The following KLF8 variants were observed in gnomAD, a reference collection of about 807,000 sequenced individuals.
KLF8 encodes the protein Krueppel-like factor 8.
Under a neutral mutation model 18.2 loss-of-function variants are expected in KLF8, and 10 were observed. The ratio of observed to expected loss-of-function variants is 0.55; its 90% CI spans 0.34 to 0.93. The LOEUF (loss-of-function observed/expected upper bound fraction) is 0.93, where lower values mean the gene tolerates loss of function less well. Ranked by LOEUF, KLF8 falls within the 40% of genes least tolerant of loss-of-function variation. The pLI, the probability that KLF8 is intolerant of heterozygous loss-of-function variation, is 0.02. For synonymous variants in KLF8, 109 were observed against 97.3 expected (o/e 1.12, Z -0.71); for missense variants, 264 against 277.9 (o/e 0.95, Z 0.36).
At chrX:56,216,513 GATTTATTT>G in the KLF8 span, among the ~76,000 whole-genome samples, 125 of 91,087 alleles carry the variant, frequency 1.4e-3, no homozygotes, top group Middle Eastern at 5.4e-3. Context: ...TCTGGCTGCT[GATTTATTT>G]ATTTATTTAT....
the KLF8 span, among the ~76,000 whole-genome samples, chrX:56,051,586 G>T: frequency 4.5e-5 from 5 of 111,050 alleles, no homozygotes; most frequent in Non-Finnish European, 9.4e-5. Flanking sequence ...TAAGAATGTT[G>T]AATATTGGCC....
At chrX:56,236,148 T>C (rs1259040134) in intron 1 of KLF8, among the ~76,000 whole-genome samples, 1 of 111,953 alleles carries the variant, frequency 8.9e-6, no homozygotes, top group Non-Finnish European at 1.9e-5. Context: ...TGACATTTTG[T>C]TGTAACCTCA....
At chrX:55,984,975 CT>C in the KLF8 span, among the ~76,000 whole-genome samples, 5 of 102,494 alleles carry the variant, frequency 4.9e-5, no homozygotes, top group African/African-American at 1.8e-4. Flanking sequence ...GGATTGTTTG[CT>C]TTTTTTTTTG....
chrX:56,275,933 A>G (rs1025093421), intron 5 of KLF8, among the ~76,000 whole-genome samples: 6 of 111,887 alleles, frequency 5.4e-5, no homozygotes, highest in African/African-American at 1.6e-4. Flanking sequence ...ATATTGGCCT[A>G]TGGTTTTCAT....
chrX:55,938,690 C>T, the KLF8 span, among the ~76,000 whole-genome samples: 1 of 110,370 alleles, frequency 9.1e-6, no homozygotes, highest in Non-Finnish European at 1.9e-5. Context: ...ATCTACCAAG[C>T]AAATGGAAAA....
chrX:56,096,412 A>C, the KLF8 span, among the ~76,000 whole-genome samples: 3 of 111,598 alleles, frequency 2.7e-5, no homozygotes, highest in Admixed American at 9.6e-5. Context: ...GCATGTAAGA[A>C]ATCTGCATTT....
chrX:56,142,071 A>C, the KLF8 span, among the ~76,000 whole-genome samples: 2 of 111,686 alleles, frequency 1.8e-5, no homozygotes, highest in Admixed American at 1.9e-4. Flanking sequence ...TATCTATCAG[A>C]ACTCATTCCA....
At chrX:56,160,478 T>C in the KLF8 span, among the ~76,000 whole-genome samples, 5 of 111,453 alleles carry the variant, frequency 4.5e-5, no homozygotes, top group Admixed American at 1.9e-4. Flanking sequence ...TGTCTAATGT[T>C]GACAGTGGGG....
chrX:56,232,099 A>C (rs1010189884), upstream of KLF8, among the ~76,000 whole-genome samples: 3 of 111,338 alleles, frequency 2.7e-5, no homozygotes, highest in African/African-American at 9.8e-5. Context: ...CCCCAGCCCC[A>C]ATCCCAGTAC....
intron 1 of KLF8, 141 bp downstream of exon 1, chrX:56,233,482 ATG>A: frequency 2.0e-6 from 1 of 489,018 alleles, no homozygotes; most frequent in African/African-American, 2.3e-5. Context: ...TAAGAACACT[ATG>A]TGGAATCAAA....
chrX:55,957,230 A>G, the KLF8 span, among the ~76,000 whole-genome samples: 1 of 111,124 alleles, frequency 9.0e-6, no homozygotes, highest in Non-Finnish European at 1.9e-5. Context: ...TTGGCTTTCT[A>G]TTGTGTTACA....
Position 56,257,137 on chromosome X carries a change from T to C in KLF8, c.81+6833T>C, listed in dbSNP as rs1248668566. On this transcript the variant is annotated intron_variant, in intron 2 of 5. Transcript: ENST00000468660. ...CTAAATTCCTCTTGTTATTAATTTC[T>C]AGTTTTATTCTATTGTGGTCAGAGA... Among the ~76,000 whole-genome samples, 3 of 112,033 alleles carry C rather than the reference T, an allele frequency of 2.7e-5. No homozygotes were observed. In the Admixed American group the frequency reaches 2.8e-4, roughly 11 times the overall value.
At chrX:56,013,219 A>G in the KLF8 span, among the ~76,000 whole-genome samples, 2 of 112,665 alleles carry the variant, frequency 1.8e-5, no homozygotes, top group Admixed American at 9.3e-5. Context: ...TGACTGCCCT[A>G]TTGGATTTCA....
the KLF8 span, among the ~76,000 whole-genome samples, chrX:56,137,667 G>A: frequency 1.9e-5 from 2 of 106,107 alleles, no homozygotes; most frequent in African/African-American, 3.5e-5. Context: ...ATGAGTTAAT[G>A]GGTGCAGCAC....
At chrX:56,149,228 G>A in the KLF8 span, among the ~76,000 whole-genome samples, 1 of 111,472 alleles carries the variant, frequency 9.0e-6, no homozygotes, top group African/African-American at 3.3e-5. Context: ...ATCTATGTCG[G>A]ATATTTAGAT....
chrX:56,185,579 C>A, the KLF8 span, among the ~76,000 whole-genome samples: 1 of 111,497 alleles, frequency 9.0e-6, no homozygotes, highest in African/African-American at 3.3e-5. Flanking sequence ...TTGTCAGATT[C>A]TCCAAAGTTG....
the KLF8 span, among the ~76,000 whole-genome samples, chrX:56,001,375 TTAA>T: frequency 8.9e-6 from 1 of 111,943 alleles, no homozygotes; most frequent in East Asian, 2.8e-4. Context: ...TTCCATCTTG[TTAA>T]TGATGGAGGA....
At chrX:56,004,837 A>G in the KLF8 span, among the ~76,000 whole-genome samples, 2 of 110,865 alleles carry the variant, frequency 1.8e-5, no homozygotes, top group African/African-American at 6.6e-5. Context: ...GAGGTTAGGT[A>G]TTGAAGACAA....
the KLF8 span, among the ~76,000 whole-genome samples, chrX:55,959,542 A>G: frequency 8.9e-6 from 1 of 112,178 alleles, no homozygotes; most frequent in African/African-American, 3.2e-5. Context: ...TGATGTAGCT[A>G]TTTTAAGAAA....
Sources: gnomAD v4.1 joint callset for allele counts (sites outside exome capture counted in the v4.1 genomes callset) on GRCh38, gnomAD v4.1.1 for gene constraint, MANE v1.5 for transcripts, NCBI Gene and HGNC (gene_info 2026-07-23, HGNC 2026-07-21) for gene names.